Variants in NSMAF observed in about 807,000 individuals in gnomAD.
The protein encoded by NSMAF is neutral sphingomyelinase activation associated factor, also known as protein FAN.
NSMAF carries 90 observed loss-of-function variants against 134.9 expected under a neutral mutation model. The ratio of observed to expected loss-of-function variants is 0.67; its 90% CI spans 0.56 to 0.79. NSMAF has a LOEUF of 0.79. Among genes scored for constraint, NSMAF ranks in the 30% least tolerant of loss-of-function variants. The pLI is 0.00. For synonymous variants in NSMAF, 358 were observed against 389.6 expected, an observed-to-expected ratio of 0.92 and a Z score of 0.96; for missense variants, 1,010 against 1,119.0, an observed-to-expected ratio of 0.90 and a Z score of 1.39.
At chr8:58,626,594 TTTTCCACTTGTTG>T (rs1806936952) in intron 6 of NSMAF, among the ~76,000 whole-genome samples, 1 of 152,252 alleles carries the variant, frequency 6.6e-6, no homozygotes, top group Admixed American at 6.5e-5. Flanking sequence ...ATATAGGACT[TTTTCCACTTGTTG>T]GTTGATGGGC....
At chr8:58,615,622 T>G (rs1806638095) in intron 9 of NSMAF, among the ~76,000 whole-genome samples, 1 of 152,188 alleles carries the variant, frequency 6.6e-6, no homozygotes, top group African/African-American at 2.4e-5. Flanking sequence ...TTACAAAATA[T>G]TTTTACATTA....
rs771576162 is a variant in NSMAF, at chr8:58,589,593, G to A, written c.2088-18C>T. ...AAAAATAGCTAAAAGATAATGAGAA[G>A]CATTAAAACAGTAGTCTGGCTTAAT... On this transcript the variant is annotated intron_variant, in intron 25 of 30. Transcript: ENST00000038176. 5.8e-6 allele frequency: 9 copies of A among 1,556,906 alleles called. No individual in the cohort carries two copies. In the South Asian group the frequency reaches 8.8e-5, roughly 15 times the overall value.
chr8:58,637,245 A>G (rs1015283995), intron 2 of NSMAF: 12 of 446,958 alleles, frequency 2.7e-5, no homozygotes, highest in Admixed American at 1.9e-4. Context: ...TGCCAGTATG[A>G]CAGGATGTCC....
In NSMAF at chr8:58,590,160, A is replaced by T. The variant is rs1269408165; in HGVS notation, c.2020-86T>A. The T allele has an allele frequency of 4.3e-6, 5 of 1,156,372 alleles. No individual in the cohort carries two copies. In the East Asian group the frequency reaches 1.2e-4, roughly 29 times the overall value. 71.6% of individuals were successfully genotyped at this position (1,156,372 alleles called of 1,614,324 possible). A position where few individuals can be genotyped will look rare whatever the true frequency, so the allele number is the denominator to read the frequency against. ...AAAGCTATCTTATACATTTCCGAAA[A>T]ATTAATGCTCAAATCGTCTTTATGT... On this transcript the variant is annotated intron_variant, in intron 24 of 30. Transcript: ENST00000038176.
intron 9 of NSMAF, among the ~76,000 whole-genome samples, chr8:58,619,469 G>A (rs1309472516): frequency 6.6e-6 from 1 of 151,984 alleles, no homozygotes; most frequent in Non-Finnish European, 1.5e-5. Flanking sequence ...AATGATTACA[G>A]ATGCAAAAAT....
chr8:58,615,774 T>TA (rs1163920598), intron 9 of NSMAF, among the ~76,000 whole-genome samples: 1 of 152,026 alleles, frequency 6.6e-6, no homozygotes, highest in East Asian at 1.9e-4. Context: ...GTTACAAGAA[T>TA]AAGTTTAAAC....
Position 58,586,557 on chromosome 8 carries a change from T to C in NSMAF, c.2347A>G (p.Lys783Glu), listed in dbSNP as rs748245286. The C allele has an allele frequency of 2.5e-6, 4 of 1,613,922 alleles. No homozygotes were observed. The highest frequency in any genetic ancestry group is 3.4e-6 in the Non-Finnish European group (4 of 1,179,952). ...TCCCAAATATTCACTGTGCCTTCTT[T>C]GGTGCCGGAAACTAACAGTGTGCTT... ...AASTLLVSGTKEGTVNIWDLT... is the reference protein window; with the variant it reads ...AASTLLVSGTEEGTVNIWDLT... Residue 783 changes from lysine to glutamate, a missense_variant, in exon 28 of 31, where the codon AAA (lysine) becomes GAA (glutamate). Coordinates refer to ENST00000038176, the MANE Select transcript of NSMAF (RefSeq NM_003580.4).
At chr8:58,602,036 A>C in intron 14 of NSMAF, 22 bp downstream of exon 14, 2 of 1,585,920 alleles carry the variant, frequency 1.3e-6, no homozygotes, top group Non-Finnish European at 1.7e-6. Flanking sequence ...CTTAGAAACC[A>C]AGAATCTCTA....
intron 28 of NSMAF, 48 bp from the exon 29 acceptor site, chr8:58,586,048 G>A (rs745771689): frequency 7.7e-6 from 11 of 1,422,444 alleles, no homozygotes; most frequent in Non-Finnish European, 3.0e-6. Flanking sequence ...TTCAGAATGT[G>A]GTTTACATTA....
chr8:58,591,150 A>G (rs566923509), intron 23 of NSMAF: 3 of 374,210 alleles, frequency 8.0e-6, no homozygotes, highest in Middle Eastern at 7.5e-4. Context: ...AAAAACATCA[A>G]TTTAAAAATC....
intron 27 of NSMAF, among the ~76,000 whole-genome samples, chr8:58,586,815 G>A (rs573084258): frequency 2.0e-5 from 3 of 152,124 alleles, no homozygotes; most frequent in Non-Finnish European, 4.4e-5. Context: ...ATAAGCTAGG[G>A]AATACAAGAA....
chr8:58,644,232 C>A (rs1236930001), intron 1 of NSMAF, among the ~76,000 whole-genome samples: 1 of 152,124 alleles, frequency 6.6e-6, no homozygotes, highest in Non-Finnish European at 1.5e-5. Context: ...TCTTGAAACA[C>A]CACTACAATG....
Position 58,587,826 on chromosome 8 carries a change from C to T in NSMAF, c.2212-125G>A, listed in dbSNP as rs1324348550. ...CAGACTTGCCAATAAAGTTAAGCTG[C>T]ACAGTGCTCCAGCTCCTCCTCCCTA... On this transcript the variant is annotated intron_variant, in intron 26 of 30. Transcript: ENST00000038176. The T allele has an allele frequency of 1.1e-5, 8 of 753,070 alleles. No homozygotes were observed. The East Asian group carries it at 2.2e-4, about 20-fold the overall frequency. 46.6% of individuals were successfully genotyped at this position (753,070 alleles called of 1,614,324 possible).
chr8:58,636,386 T>C (rs76189774), intron 2 of NSMAF, among the ~76,000 whole-genome samples: 4,125 of 152,320 alleles, frequency 0.027, 206 homozygotes, highest in African/African-American at 0.093. Context: ...TTAATAATTC[T>C]TTAATGTCAT....
intron 26 of NSMAF, chr8:58,588,719 C>T (rs775759235): frequency 3.5e-5 from 53 of 1,533,798 alleles, no homozygotes; most frequent in African/African-American, 4.1e-5. Flanking sequence ...TGCACGTGGC[C>T]GCGGCCCTTT....
chr8:58,644,032 A>G (rs1027678181), intron 1 of NSMAF, among the ~76,000 whole-genome samples: 1 of 152,252 alleles, frequency 6.6e-6, no homozygotes, highest in African/African-American at 2.4e-5. Flanking sequence ...CAACAAATAC[A>G]TGACAAAGAA....
At chr8:58,586,272 G>C in intron 28 of NSMAF, 186 bp downstream of exon 28, 5 of 640,932 alleles carry the variant, frequency 7.8e-6, no homozygotes, top group Non-Finnish European at 1.1e-5. Flanking sequence ...TTTTCTACCT[G>C]ATACAAATGC....
intron 1 of NSMAF, chr8:58,659,170 G>C (rs558993247): frequency 7.1e-7 from 1 of 1,412,762 alleles, no homozygotes; most frequent in Non-Finnish European, 9.2e-7. Flanking sequence ...TTAGAAAGGG[G>C]GTGCCCGCCG....
chr8:58,588,600 T>G, intron 26 of NSMAF: 1 of 1,426,768 alleles, frequency 7.0e-7, no homozygotes, highest in Non-Finnish European at 9.8e-7. Flanking sequence ...AGATGCTCGC[T>G]TCAGAAATGT....
Sources: allele counts gnomAD v4.1 joint callset (sites outside exome capture counted in the v4.1 genomes callset), GRCh38; gene constraint gnomAD v4.1.1; transcripts MANE v1.5; gene names NCBI Gene and HGNC (gene_info 2026-07-23, HGNC 2026-07-21).